Variants in SYNE1 observed in about 807,000 individuals in gnomAD.
SYNE1 encodes the protein nesprin-1.
Under a neutral mutation model 1,111.0 loss-of-function variants are expected in SYNE1, and 616 were observed. That is an observed-to-expected ratio of 0.55 (90% CI 0.52 to 0.59). SYNE1 has a LOEUF of 0.59. Ranked by LOEUF, SYNE1 falls within the 20% of genes least tolerant of loss-of-function variation. The pLI is 0.00. For missense variants in SYNE1, 10,006 were observed against 10,417.0 expected, an observed-to-expected ratio of 0.96 and a Z score of 1.72; for synonymous variants, 3,855 against 3,825.8, an observed-to-expected ratio of 1.01 and a Z score of -0.28.
At chr6:152,414,249 A>T (rs79594685) in intron 41 of SYNE1, among the ~76,000 whole-genome samples, 6,698 of 150,632 alleles carry the variant, frequency 0.044, 277 homozygotes, top group African/African-American at 0.1. Flanking sequence ...ACAAAAAATT[A>T]AAAAAAAAAT....
chr6:152,369,458 G>A lies in SYNE1; in HGVS notation c.9651+13C>T. 6.2e-7 allele frequency: 1 copy of A among 1,614,128 alleles called. No individual in the cohort carries two copies. Among genetic ancestry groups the A allele is most frequent in the Non-Finnish European group, 8.5e-7 (1 of 1,180,040 alleles). ...CTAGGTCAGATGGGGCTACGGGGAGGCGGGCTCATCACCTGGAGCTTCTGC... is the reference window on the plus strand; with the variant it reads ...CTAGGTCAGATGGGGCTACGGGGAGACGGGCTCATCACCTGGAGCTTCTGC... On this transcript the variant is annotated intron_variant, in intron 60 of 145. Transcript: ENST00000367255.
At position 152,352,092 on chromosome 6, in the gene SYNE1, G is replaced by GA; in HGVS notation, c.11514dup (p.Leu3839SerfsTer5). 6.2e-7 allele frequency: 1 copy of GA among 1,614,184 alleles called. No individual in the cohort carries two copies. The highest frequency in any genetic ancestry group is 8.5e-7 in the Non-Finnish European group (1 of 1,180,030). ...ATTTTGGGTTCTTCAGGAACATGTA[G>GA]AATTTCCTGGTATTCTGCTATCCAC... On this transcript the variant is annotated frameshift_variant, in exon 70 of 146. Transcript: ENST00000367255. LOFTEE classifies it high-confidence loss of function.
Position 152,130,715 on chromosome 6 carries a change from G to A in SYNE1, c.26153+5C>T, listed in dbSNP as rs891250801. ...AACAGTGTGGAAACCAGGAGAAGGA[G>A]GTACCTGCTATGTGGACTGCTGACA... On this transcript the variant is annotated splice_donor_5th_base_variant and intron_variant, in intron 145 of 145. Coordinates refer to ENST00000367255, the MANE Select transcript of SYNE1 (RefSeq NM_182961.4). The A allele has an allele frequency of 4.3e-6, 7 of 1,614,002 alleles. No individual in the cohort carries two copies. The highest frequency in any genetic ancestry group is 1.6e-4 in the Middle Eastern group (1 of 6,084).
chr6:152,270,853 A>T (rs2093145145), intron 98 of SYNE1, among the ~76,000 whole-genome samples: 1 of 152,204 alleles, frequency 6.6e-6, no homozygotes, highest in Admixed American at 6.5e-5. Flanking sequence ...GCATGACGAG[A>T]GACCACCAGC....
At chr6:152,353,167 T>C in intron 69 of SYNE1, 96 bp downstream of exon 69, 3 of 1,484,224 alleles carry the variant, frequency 2.0e-6, no homozygotes, top group Non-Finnish European at 2.8e-6. Context: ...TCATAATGGT[T>C]GGGATGATCA....
At chr6:152,221,233 G>C (rs1049648654) in intron 118 of SYNE1, among the ~76,000 whole-genome samples, 187 bp from the exon 119 acceptor site, 1 of 152,042 alleles carries the variant, frequency 6.6e-6, no homozygotes, top group African/African-American at 2.4e-5. Context: ...GGCAATCTTT[G>C]GGTGTACAGT....
chr6:152,353,823 A>G (rs1740354545), intron 67 of SYNE1, 79 bp from the exon 68 acceptor site: 2 of 1,571,832 alleles, frequency 1.3e-6, no homozygotes, highest in African/African-American at 2.7e-5. Flanking sequence ...CTTATAGGAA[A>G]TGGTTTCAGT....
chr6:152,429,479 C>A (rs1400680398), intron 36 of SYNE1, among the ~76,000 whole-genome samples: 1 of 152,118 alleles, frequency 6.6e-6, no homozygotes, highest in African/African-American at 2.4e-5. Context: ...TCCAGATGGC[C>A]TTTGTCAATG....
At chr6:152,232,788 C>A (rs1394477041) in intron 112 of SYNE1, among the ~76,000 whole-genome samples, 2 of 152,214 alleles carry the variant, frequency 1.3e-5, no homozygotes. Flanking sequence ...AATTCGAAAT[C>A]TTACTTAACA....
intron 98 of SYNE1, among the ~76,000 whole-genome samples, chr6:152,271,433 C>T (rs558204003): frequency 3.3e-5 from 5 of 152,248 alleles, no homozygotes; most frequent in South Asian, 4.1e-4. Context: ...CCAGAGATTG[C>T]AGTTTAGGTA....
At chr6:152,301,001 C>A (rs369430550) in intron 92 of SYNE1, among the ~76,000 whole-genome samples, 4 of 152,278 alleles carry the variant, frequency 2.6e-5, no homozygotes, top group East Asian at 1.9e-4. Context: ...GATGGGGGTG[C>A]ATATGACATT....
intron 40 of SYNE1, among the ~76,000 whole-genome samples, chr6:152,418,773 A>AG (rs1057513379): frequency 1.3e-5 from 2 of 152,198 alleles, no homozygotes; most frequent in Non-Finnish European, 2.9e-5. Context: ...AAGTCCCTTA[A>AG]GGTCTGACAT....
chr6:152,635,463 T>C (rs1173748940), intron 2 of SYNE1, among the ~76,000 whole-genome samples: 1 of 152,196 alleles, frequency 6.6e-6, no homozygotes. Context: ...TCCGGTGATA[T>C]CAGGAACTTT....
chr6:152,246,536 G>C (rs895637947), intron 105 of SYNE1, among the ~76,000 whole-genome samples: 1 of 152,146 alleles, frequency 6.6e-6, no homozygotes, highest in Non-Finnish European at 1.5e-5. Context: ...AAAAAGCGGA[G>C]CAAAAAGACA....
chr6:152,382,986 A>G (rs2097451031), intron 55 of SYNE1, among the ~76,000 whole-genome samples: 1 of 152,096 alleles, frequency 6.6e-6, no homozygotes, highest in Non-Finnish European at 1.5e-5. Context: ...ACCCATATAC[A>G]TTTTGCTTTA....
chr6:152,410,437 C>CACAA (rs1485219843), intron 42 of SYNE1: 1 of 151,050 alleles, frequency 6.6e-6, no homozygotes, highest in Non-Finnish European at 1.5e-5. Flanking sequence ...CACACACACA[C>CACAA]ACAAACAAAA....
intron 3 of SYNE1, among the ~76,000 whole-genome samples, chr6:152,564,720 T>C (rs1363992330): frequency 1.3e-5 from 2 of 152,154 alleles, no homozygotes; most frequent in African/African-American, 4.8e-5. Flanking sequence ...TCAAACTCAC[T>C]CTTCAGTAGA....
chr6:152,312,269 G>GC (rs1182699371), intron 87 of SYNE1, among the ~76,000 whole-genome samples: 1 of 148,200 alleles, frequency 6.7e-6, no homozygotes, highest in Non-Finnish European at 1.5e-5. Context: ...GAGTGCAATG[G>GC]CGTGATCTCG....
chr6:152,459,803 T>C (rs1311682631), intron 21 of SYNE1, among the ~76,000 whole-genome samples: 1 of 152,224 alleles, frequency 6.6e-6, no homozygotes, highest in African/African-American at 2.4e-5. Context: ...ACAATAATGT[T>C]CTAACCAGAT....
Sources: allele counts gnomAD v4.1 joint callset (sites outside exome capture counted in the v4.1 genomes callset), GRCh38; gene constraint gnomAD v4.1.1; transcripts MANE v1.5; gene names NCBI Gene and HGNC (gene_info 2026-07-23, HGNC 2026-07-21).